The following MDGA2 variants were observed in gnomAD, a reference collection of about 807,000 sequenced individuals.
MDGA2 encodes the protein MAM domain containing glycosylphosphatidylinositol anchor 2, also known as MAM domain-containing glycosylphosphatidylinositol anchor protein 2.
MDGA2 carries 40 observed loss-of-function variants against 117.8 expected under a neutral mutation model. That is an observed-to-expected ratio of 0.34 (90% CI 0.26 to 0.44). The LOEUF is 0.44. Ranked by LOEUF, MDGA2 falls within the 20% of genes least tolerant of loss-of-function variation. MDGA2 has a pLI of 1.00. For synonymous variants in MDGA2, 452 were observed against 439.0 expected (o/e 1.03, Z -0.37); for missense variants, 1,123 against 1,250.6 (o/e 0.90, Z 1.54).
chr14:47,372,552 A>C (rs1891385761), intron 1 of MDGA2, among the ~76,000 whole-genome samples: 2 of 151,914 alleles, frequency 1.3e-5, no homozygotes, highest in African/African-American at 4.8e-5. Flanking sequence ...AAACTTAAAA[A>C]GATTTACTAC....
intron 1 of MDGA2, among the ~76,000 whole-genome samples, chr14:47,597,988 G>A (rs1896578917): frequency 6.6e-6 from 1 of 151,994 alleles, no homozygotes; most frequent in Admixed American, 6.6e-5. Context: ...CAAGTAAAGT[G>A]TCTATAAGAC....
chr14:47,482,666 C>T (rs1893978325), intron 1 of MDGA2, among the ~76,000 whole-genome samples: 1 of 152,024 alleles, frequency 6.6e-6, no homozygotes, highest in African/African-American at 2.4e-5. Context: ...CTTCTTCATT[C>T]ATTCATTTAT....
intron 1 of MDGA2, among the ~76,000 whole-genome samples, chr14:47,454,587 T>G (rs1893308803): frequency 6.6e-6 from 1 of 152,234 alleles, no homozygotes; most frequent in African/African-American, 2.4e-5. Flanking sequence ...GTTTTCACAT[T>G]CTGTAAGAAT....
intron 5 of MDGA2, among the ~76,000 whole-genome samples, chr14:47,102,366 AACACACACAC>A (rs3039394): frequency 4.0e-5 from 6 of 148,386 alleles, no homozygotes; most frequent in Non-Finnish European, 6.0e-5. Flanking sequence ...AGGAAGGAGA[AACACACACAC>A]ACACACACAC....
intron 8 of MDGA2, among the ~76,000 whole-genome samples, chr14:46,974,656 G>A (rs560614975): frequency 2.5e-4 from 38 of 152,244 alleles, no homozygotes; most frequent in African/African-American, 9.1e-4. Flanking sequence ...ATGGTGTTGT[G>A]AAAACTGGAT....
At chr14:47,176,048 C>G (rs891117963) in intron 3 of MDGA2, among the ~76,000 whole-genome samples, 1 of 152,088 alleles carries the variant, frequency 6.6e-6, no homozygotes, top group Non-Finnish European at 1.5e-5. Flanking sequence ...CTCCCATTCA[C>G]AATTGCTTCA....
At chr14:46,966,240 TAA>T (rs907445958) in intron 8 of MDGA2, among the ~76,000 whole-genome samples, 2 of 152,152 alleles carry the variant, frequency 1.3e-5, no homozygotes, top group Admixed American at 1.3e-4. Context: ...GTCACCCAGC[TAA>T]AAAGTAGCAG....
intron 1 of MDGA2, among the ~76,000 whole-genome samples, chr14:47,524,751 T>C (rs1365492502): frequency 6.6e-6 from 1 of 152,192 alleles, no homozygotes; most frequent in East Asian, 1.9e-4. Flanking sequence ...CAAAATAATG[T>C]CAGGGACTGT....
intron 1 of MDGA2, among the ~76,000 whole-genome samples, chr14:47,574,955 G>A (rs932225210): frequency 6.6e-6 from 1 of 152,172 alleles, no homozygotes; most frequent in African/African-American, 2.4e-5. Flanking sequence ...CTATCATTAA[G>A]GGGCATAAGT....
At chr14:47,226,308 C>A (rs774441044) in intron 2 of MDGA2, among the ~76,000 whole-genome samples, 5 of 151,846 alleles carry the variant, frequency 3.3e-5, no homozygotes, top group Non-Finnish European at 5.9e-5. Context: ...GGTCTACTCA[C>A]TATGCGGAAA....
intron 3 of MDGA2, among the ~76,000 whole-genome samples, chr14:47,204,300 C>T (rs1000805357): frequency 4.6e-5 from 7 of 151,818 alleles, no homozygotes; most frequent in Non-Finnish European, 1.0e-4. Flanking sequence ...TAAGCAGCAA[C>T]AATTTAGTAA....
chr14:46,841,977 A>T lies in MDGA2; in HGVS notation c.3032T>A (p.Leu1011His). ...GAVGILVHIW[L>H]FPIIVLISIL... is the part of the protein sequence containing the mutation. ...AGAGATGAGGACGATAATGGGAAAA[A>T]GCCATATATGAACCAAAATCCCAAC... Residue 1011 changes from leucine to histidine, a missense_variant, in exon 17 of 17, where the codon CTT (leucine) becomes CAT (histidine). Coordinates refer to ENST00000399232, the MANE Select transcript of MDGA2 (RefSeq NM_001113498.3). The T allele has an allele frequency of 6.2e-7, 1 of 1,612,820 alleles. No individual in the cohort carries two copies. Among genetic ancestry groups the T allele is most frequent in the Non-Finnish European group, 8.5e-7 (1 of 1,179,162 alleles).
At chr14:46,887,646 C>A (rs962140745) in intron 10 of MDGA2, among the ~76,000 whole-genome samples, 1 of 151,874 alleles carries the variant, frequency 6.6e-6, no homozygotes, top group Non-Finnish European at 1.5e-5. Context: ...ACAGAAAGCA[C>A]TTATCTTTCA....
rs1359288047 is a variant in MDGA2 at position 46,957,655 on chromosome 14, A to T, written c.1820-12T>A. ...CACTGCAGGGGGATCTGTAGAAAAG[A>T]TATGTAAAAACAGATGAAAGATGTG... On this transcript the variant is annotated splice_polypyrimidine_tract_variant and intron_variant, in intron 8 of 16. Transcript: ENST00000399232. 3.7e-6 allele frequency: 6 copies of T among 1,613,360 alleles called. No individual in the cohort carries two copies. Among genetic ancestry groups the T allele is most frequent in the South Asian group, 1.1e-5 (1 of 91,058 alleles).
intron 2 of MDGA2, among the ~76,000 whole-genome samples, chr14:47,282,051 A>AG (rs555816262): frequency 3.3e-5 from 3 of 89,936 alleles, no homozygotes; most frequent in Non-Finnish European, 5.4e-5. Flanking sequence ...CCGTCTCGGG[A>AG]AAAAAAAAAA....
chr14:47,195,275 C>CTAGTTAATA, intron 3 of MDGA2, among the ~76,000 whole-genome samples: 1 of 152,006 alleles, frequency 6.6e-6, no homozygotes, highest in East Asian at 1.9e-4. Flanking sequence ...GCATGAAAAG[C>CTAGTTAATA]ATCCTCTTTC....
chr14:47,227,815 C>CA (rs1886560643), intron 2 of MDGA2, among the ~76,000 whole-genome samples: 2 of 152,146 alleles, frequency 1.3e-5, no homozygotes, highest in Admixed American at 1.3e-4. Context: ...GACTTCTGAA[C>CA]AGTTGACTGC....
intron 1 of MDGA2, among the ~76,000 whole-genome samples, chr14:47,377,127 T>C (rs1891496134): frequency 6.6e-6 from 1 of 152,216 alleles, no homozygotes; most frequent in Admixed American, 6.5e-5. Flanking sequence ...AGATGATATA[T>C]AAAGTGGCAA....
At chr14:47,517,795 T>A (rs1218957033) in intron 1 of MDGA2, among the ~76,000 whole-genome samples, 3 of 152,186 alleles carry the variant, frequency 2.0e-5, no homozygotes, top group Non-Finnish European at 4.4e-5. Flanking sequence ...AATAACCTAA[T>A]TTACATGAGT....
Sources: allele counts gnomAD v4.1 joint callset (sites outside exome capture counted in the v4.1 genomes callset), GRCh38; gene constraint gnomAD v4.1.1; transcripts MANE v1.5; gene names NCBI Gene and HGNC (gene_info 2026-07-23, HGNC 2026-07-21).